The following ST6GALNAC3 variants were observed in gnomAD, a reference collection of about 807,000 sequenced individuals.
The protein encoded by ST6GALNAC3 is alpha-N-acetylgalactosaminide alpha-2,6-sialyltransferase 3.
ST6GALNAC3 carries 25 observed loss-of-function variants against 32.7 expected under a neutral mutation model. The ratio of observed to expected loss-of-function variants is 0.76; its 90% CI spans 0.56 to 1.07. ST6GALNAC3 has a LOEUF of 1.07. Among genes scored for constraint, ST6GALNAC3 ranks in the 50% least tolerant of loss-of-function variants. The probability of loss-of-function intolerance (pLI) is 0.00; values close to 1 mark genes in which losing one functional copy is unlikely to be tolerated. For synonymous variants in ST6GALNAC3, 129 were observed against 133.1 expected (o/e 0.97, Z 0.21); for missense variants, 355 against 382.4 (o/e 0.93, Z 0.60).
intron 1 of ST6GALNAC3, among the ~76,000 whole-genome samples, chr1:76,294,421 C>T (rs1335711463): frequency 1.3e-5 from 2 of 151,376 alleles, no homozygotes; most frequent in African/African-American, 2.4e-5. Flanking sequence ...AAAATGTAAA[C>T]CTCACTATTG....
chr1:76,204,687 T>C (rs935261608), intron 1 of ST6GALNAC3, among the ~76,000 whole-genome samples: 1 of 152,224 alleles, frequency 6.6e-6, no homozygotes, highest in Non-Finnish European at 1.5e-5. Context: ...TATTTTTCTA[T>C]GGGATGTGGG....
intron 1 of ST6GALNAC3, among the ~76,000 whole-genome samples, chr1:76,124,264 G>A (rs1014812449): frequency 7.5e-6 from 1 of 133,234 alleles, no homozygotes; most frequent in Non-Finnish European, 1.8e-5. Flanking sequence ...TGATGAAATG[G>A]AGGTAGAGAG....
At chr1:76,617,965 T>C (rs1272488768) in intron 3 of ST6GALNAC3, among the ~76,000 whole-genome samples, 3 of 152,232 alleles carry the variant, frequency 2.0e-5, no homozygotes, top group South Asian at 4.1e-4. Context: ...TACATGACTA[T>C]GGCTGAAGTT....
chr1:76,336,659 C>A (rs1570876167), intron 2 of ST6GALNAC3, among the ~76,000 whole-genome samples: 1 of 152,138 alleles, frequency 6.6e-6, no homozygotes, highest in Non-Finnish European at 1.5e-5. Context: ...GTGATGAGGG[C>A]TGTCAAGACA....
intron 1 of ST6GALNAC3, among the ~76,000 whole-genome samples, chr1:76,214,575 T>C (rs1230027309): frequency 6.6e-6 from 1 of 152,214 alleles, no homozygotes; most frequent in Non-Finnish European, 1.5e-5. Flanking sequence ...ATTAAGTTAC[T>C]ACACATTTAC....
intron 1 of ST6GALNAC3, among the ~76,000 whole-genome samples, chr1:76,145,028 G>A (rs990468320): frequency 1.3e-5 from 2 of 152,182 alleles, no homozygotes; most frequent in African/African-American, 4.8e-5. Context: ...GAATCAGCCA[G>A]ACATTTATAA....
chr1:76,515,500 G>A (rs893405399), intron 3 of ST6GALNAC3, among the ~76,000 whole-genome samples: 2 of 151,884 alleles, frequency 1.3e-5, no homozygotes, highest in Non-Finnish European at 2.9e-5. Flanking sequence ...GAGGTGTTTG[G>A]TTAAGTTATT....
chr1:76,266,076 T>C (rs1658509111), intron 1 of ST6GALNAC3, among the ~76,000 whole-genome samples: 1 of 152,238 alleles, frequency 6.6e-6, no homozygotes, highest in Non-Finnish European at 1.5e-5. Context: ...AAAGAAATTA[T>C]AGTGTTCAGG....
intron 1 of ST6GALNAC3, among the ~76,000 whole-genome samples, chr1:76,119,692 C>A (rs921333933): frequency 6.6e-6 from 1 of 152,154 alleles, no homozygotes; most frequent in African/African-American, 2.4e-5. Flanking sequence ...GAAACTTGAA[C>A]AACAATAGTA....
chr1:76,085,843 G>T (rs1015092827), intron 1 of ST6GALNAC3, among the ~76,000 whole-genome samples: 76 of 152,196 alleles, frequency 5.0e-4, no homozygotes, highest in Admixed American at 4.6e-4. Context: ...TTCCCCAAAA[G>T]AAATTGACTA....
chr1:76,257,658 G>A (rs1657994532), intron 1 of ST6GALNAC3, among the ~76,000 whole-genome samples: 1 of 151,992 alleles, frequency 6.6e-6, no homozygotes, highest in Admixed American at 6.6e-5. Context: ...GCCCCACTTT[G>A]GGTTCTTCTG....
At chr1:76,209,924 A>G (rs750058485) in intron 1 of ST6GALNAC3, among the ~76,000 whole-genome samples, 1 of 152,206 alleles carries the variant, frequency 6.6e-6, no homozygotes, top group Non-Finnish European at 1.5e-5. Context: ...CCCTCAAGTT[A>G]TATTCAAACA....
rs953312588 is a variant in ST6GALNAC3 at position 76,630,798 on chromosome 1, A to C, written c.*1992A>C. 8.1e-6 allele frequency: 8 copies of C among 985,522 alleles called. No homozygotes were observed. In the African/African-American group the frequency reaches 1.4e-4, roughly 17 times the overall value. 61.0% of individuals were successfully genotyped at this position (985,522 alleles called of 1,614,324 possible). ...TTGTTGTTCCCTTATGCAATTTTTA[A>C]TTCTATGAATGTTAAGTTTTTTTGA... On this transcript the variant is annotated 3_prime_UTR_variant, in exon 5 of 5. Coordinates refer to ENST00000328299, the MANE Select transcript of ST6GALNAC3 (RefSeq NM_152996.4).
At chr1:76,099,229 G>A (rs1192552216) in intron 1 of ST6GALNAC3, among the ~76,000 whole-genome samples, 1 of 152,044 alleles carries the variant, frequency 6.6e-6, no homozygotes, top group Non-Finnish European at 1.5e-5. Flanking sequence ...TTCTCTTTAA[G>A]GTGATCCTGG....
chr1:76,411,977 A>T (rs758768736), intron 2 of ST6GALNAC3, 31 bp from the exon 3 acceptor site: 1 of 1,592,434 alleles, frequency 6.3e-7, no homozygotes, highest in South Asian at 1.1e-5. Flanking sequence ...GGAATTTACT[A>T]ATTTACATGC....
intron 1 of ST6GALNAC3, among the ~76,000 whole-genome samples, chr1:76,112,046 G>C (rs1647999450): frequency 6.6e-6 from 1 of 150,526 alleles, no homozygotes; most frequent in Non-Finnish European, 1.5e-5. Context: ...CTCCCGGATG[G>C]GGAGGCTGGC....
chr1:76,251,019 G>A (rs751187852), intron 1 of ST6GALNAC3, among the ~76,000 whole-genome samples: 14 of 151,942 alleles, frequency 9.2e-5, no homozygotes, highest in Non-Finnish European at 1.5e-4. Flanking sequence ...GAATTTCCCC[G>A]GCCTGTCACA....
chr1:76,450,247 A>AT (rs1357193965), intron 3 of ST6GALNAC3, among the ~76,000 whole-genome samples: 5 of 151,818 alleles, frequency 3.3e-5, no homozygotes, highest in African/African-American at 4.8e-5. Context: ...CTATTTTTTG[A>AT]TTTTTTTATT....
At chr1:76,209,978 G>A (rs1202190770) in intron 1 of ST6GALNAC3, among the ~76,000 whole-genome samples, 1 of 151,810 alleles carries the variant, frequency 6.6e-6, no homozygotes, top group African/African-American at 2.4e-5. Flanking sequence ...CAACCAGCCA[G>A]TTTCATTTTC....
Sources: gnomAD v4.1 joint callset for allele counts (sites outside exome capture counted in the v4.1 genomes callset) on GRCh38, gnomAD v4.1.1 for gene constraint, MANE v1.5 for transcripts, NCBI Gene and HGNC (gene_info 2026-07-23, HGNC 2026-07-21) for gene names.